BRCC3: variants seen among roughly 807,000 people sequenced by gnomAD.
BRCC3 encodes the protein lys-63-specific deubiquitinase BRCC36.
BRCC3 carries 15 observed loss-of-function variants against 28.0 expected under a neutral mutation model. The observed-to-expected ratio is 0.54, with a 90% CI of 0.36 to 0.82. The LOEUF is 0.82. Among genes scored for constraint, BRCC3 ranks in the 40% least tolerant of loss-of-function variants. The pLI is 0.01. For synonymous variants in BRCC3, 66 were observed against 80.3 expected (o/e 0.82, Z 0.95); for missense variants, 109 against 225.9 (o/e 0.48, Z 3.32).
In BRCC3 at chrX:155,099,185, GTTT is replaced by G. The variant is rs372745437; in HGVS notation, c.548+8360_548+8362del. On this transcript the variant is annotated intron_variant, in intron 7 of 10. Coordinates refer to ENST00000330045, the MANE Select transcript of BRCC3 (RefSeq NM_001018055.3). ...TTAAATAAGAAATAAAATTAGAAAT[GTTT>G]TTTTTTTTTTTTTGTGGTAAAAGAA... 2.4e-3 allele frequency: 1,365 copies of G among 573,054 alleles called. 7 individuals are homozygous for G. The highest frequency in any genetic ancestry group is 0.02 in the African/African-American group (738 of 37,351). The allele number at this position is 573,054 out of a possible 1,213,427, so 47.2% of individuals were successfully genotyped here.
intron 7 of BRCC3, 114 bp from the exon 8 acceptor site, chrX:155,115,943 C>T: frequency 1.4e-6 from 1 of 732,575 alleles, no homozygotes; most frequent in South Asian, 2.8e-5. Context: ...TGAATTACAG[C>T]AATGCTTAAT....
intron 5 of BRCC3, among the ~76,000 whole-genome samples, chrX:155,086,475 C>G (rs12008586): frequency 9.0e-6 from 1 of 111,345 alleles, no homozygotes; most frequent in Non-Finnish European, 1.9e-5. Context: ...CTTAGCTTCC[C>G]GAGTAGCTGG....
Position 155,089,248 on chromosome X carries a change from T to A in BRCC3, c.404-15T>A. 8.8e-7 allele frequency: 1 copy of A among 1,131,072 alleles called. No individual in the cohort carries two copies. Among genetic ancestry groups the A allele is most frequent in the East Asian group, 3.2e-5 (1 of 31,548 alleles). 93.2% of individuals were successfully genotyped at this position (1,131,072 alleles called of 1,213,427 possible). On this transcript the variant is annotated splice_polypyrimidine_tract_variant and intron_variant, in intron 5 of 10. Transcript: ENST00000330045. ...CTTATTGACAGAAGATTTTTAAATT[T>A]TCATTTATTTTCAGATGTTCGCACA...
intron 7 of BRCC3, among the ~76,000 whole-genome samples, chrX:155,102,933 TTGTGTG>T (rs782223599): frequency 4.5e-5 from 5 of 110,902 alleles, no homozygotes; most frequent in Non-Finnish European, 9.5e-5. Flanking sequence ...CACATAGTTT[TTGTGTG>T]TGTGTGTGTG....
intron 3 of BRCC3, among the ~76,000 whole-genome samples, chrX:155,075,740 A>C (rs1243764668): frequency 1.8e-5 from 2 of 112,392 alleles, no homozygotes; most frequent in African/African-American, 6.5e-5. Flanking sequence ...CTTCATGTAC[A>C]GTTTATCTGA....
intron 6 of BRCC3, 70 bp from the exon 7 acceptor site, chrX:155,090,714 C>T: frequency 6.0e-6 from 5 of 827,999 alleles, no homozygotes; most frequent in Non-Finnish European, 8.9e-6. Flanking sequence ...TCTAGAGGGA[C>T]CTTTGGGGTC....
At chrX:155,078,749 A>G (rs1557293903) in intron 5 of BRCC3, 46 bp downstream of exon 5, 1 of 974,948 alleles carries the variant, frequency 1.0e-6, no homozygotes. Context: ...AGAAATTAAT[A>G]TCATGTTTCC....
intron 5 of BRCC3, among the ~76,000 whole-genome samples, chrX:155,084,403 C>T (rs1295292219): frequency 9.0e-6 from 1 of 111,024 alleles, no homozygotes; most frequent in African/African-American, 3.3e-5. Flanking sequence ...GGCTCTGTCG[C>T]CCAGGCTGGA....
chrX:155,085,782 TCTTGGCTTGAGC>T (rs1312930655), intron 5 of BRCC3, among the ~76,000 whole-genome samples: 2 of 111,781 alleles, frequency 1.8e-5, no homozygotes, highest in South Asian at 3.8e-4. Flanking sequence ...TCAAGCAGGG[TCTTGGCTTGAGC>T]CTTGGGGCGG....
chrX:155,105,239 T>C (rs1447800236), intron 7 of BRCC3, among the ~76,000 whole-genome samples: 3 of 111,914 alleles, frequency 2.7e-5, no homozygotes, highest in East Asian at 2.8e-4. Flanking sequence ...TCCCAGCACT[T>C]TGGGAGGCCG....
chrX:155,114,585 TAAA>T (rs1200034470), intron 7 of BRCC3, among the ~76,000 whole-genome samples: 1 of 101,180 alleles, frequency 9.9e-6, no homozygotes, highest in African/African-American at 3.6e-5. Flanking sequence ...TAACCACAAT[TAAA>T]AAAAAAAACC....
intron 7 of BRCC3, among the ~76,000 whole-genome samples, chrX:155,099,708 CTT>C (rs2074235413): frequency 8.9e-6 from 1 of 112,093 alleles, no homozygotes; most frequent in Admixed American, 9.4e-5. Context: ...TTTTTCCACT[CTT>C]TTATTTTTGA....
chrX:155,096,462 C>T (rs782492122), intron 7 of BRCC3, among the ~76,000 whole-genome samples: 9 of 111,746 alleles, frequency 8.1e-5, no homozygotes, highest in South Asian at 7.3e-4. Flanking sequence ...TTTTAATGGA[C>T]GTTTTTCCAA....
intron 7 of BRCC3, among the ~76,000 whole-genome samples, chrX:155,101,816 A>G (rs1367720688): frequency 1.8e-5 from 2 of 111,545 alleles, no homozygotes; most frequent in African/African-American, 6.5e-5. Flanking sequence ...CTTTTCTTCC[A>G]TCATGCCCTA....
At chrX:155,087,860 G>T (rs1054082663) in intron 5 of BRCC3, among the ~76,000 whole-genome samples, 5 of 111,963 alleles carry the variant, frequency 4.5e-5, no homozygotes, top group African/African-American at 1.6e-4. Flanking sequence ...TGTTACCAGT[G>T]GTTGTAGATA....
intron 5 of BRCC3, among the ~76,000 whole-genome samples, chrX:155,086,706 C>A (rs1557294927): frequency 8.9e-6 from 1 of 111,766 alleles, no homozygotes; most frequent in Non-Finnish European, 1.9e-5. Flanking sequence ...AAGCACGCAG[C>A]CTCGTGCAAA....
At chrX:155,085,290 T>G (rs1423835164) in intron 5 of BRCC3, among the ~76,000 whole-genome samples, 1 of 112,864 alleles carries the variant, frequency 8.9e-6, no homozygotes, top group African/African-American at 3.2e-5. Flanking sequence ...ATCATATTTC[T>G]TAGGAATGGT....
Position 155,073,557 on chromosome X carries a change from G to A in BRCC3, c.195+126G>A, listed in dbSNP as rs1228421416. On this transcript the variant is annotated intron_variant, in intron 3 of 10. Coordinates refer to ENST00000330045, the MANE Select transcript of BRCC3 (RefSeq NM_001018055.3). ...GATATTCTTTCTAGTAAAATCAGATGAAGAATCTACTCACTAGGAATGGGA... is the reference window on the plus strand; with the variant it reads ...GATATTCTTTCTAGTAAAATCAGATAAAGAATCTACTCACTAGGAATGGGA... The A allele has an allele frequency of 6.2e-6, 5 of 807,995 alleles. No homozygotes were observed. The Admixed American group carries it at 1.3e-4, about 21-fold the overall frequency. 66.6% of individuals were successfully genotyped at this position (807,995 alleles called of 1,213,427 possible). A position where few individuals can be genotyped will look rare whatever the true frequency, so the allele number is the denominator to read the frequency against.
At chrX:155,115,442 T>C (rs782488729) in intron 7 of BRCC3, among the ~76,000 whole-genome samples, 1 of 112,112 alleles carries the variant, frequency 8.9e-6, no homozygotes, top group South Asian at 3.7e-4. Flanking sequence ...AGGTAGAGTT[T>C]AGGTGTATTT....
Sources: allele counts gnomAD v4.1 joint callset (sites outside exome capture counted in the v4.1 genomes callset), GRCh38; gene constraint gnomAD v4.1.1; transcripts MANE v1.5; gene names NCBI Gene and HGNC (gene_info 2026-07-23, HGNC 2026-07-21).